Variants in RB1 observed in about 807,000 individuals in gnomAD.
The protein encoded by RB1 is retinoblastoma-associated protein.
In RB1, 18 loss-of-function variants were observed where a neutral mutation model predicts 135.4. The ratio of observed to expected loss-of-function variants is 0.13; its 90% CI spans 0.09 to 0.20. RB1 has a LOEUF of 0.20. RB1 is among the 10% of genes least tolerant of loss of function. The pLI, the probability that RB1 is intolerant of heterozygous loss-of-function variation, is 1.00. For missense variants in RB1, 868 were observed against 1,110.0 expected, an observed-to-expected ratio of 0.78 and a Z score of 3.10; for synonymous variants, 365 against 373.2, an observed-to-expected ratio of 0.98 and a Z score of 0.25.
intron 23 of RB1, among the ~76,000 whole-genome samples, chr13:48,472,860 T>C (rs1267728651): frequency 6.6e-6 from 1 of 152,154 alleles, no homozygotes; most frequent in Non-Finnish European, 1.5e-5. Flanking sequence ...ATAAAGAACA[T>C]AAATTATATG....
At chr13:48,442,125 T>TC (rs1315006659) in intron 17 of RB1, among the ~76,000 whole-genome samples, 1 of 152,210 alleles carries the variant, frequency 6.6e-6, no homozygotes, top group Non-Finnish European at 1.5e-5. Flanking sequence ...TCAAGAACTT[T>TC]CCTATTCCTC....
intron 17 of RB1, chr13:48,412,419 A>C (rs1482275987): frequency 6.2e-7 from 1 of 1,612,958 alleles, no homozygotes; most frequent in Admixed American, 1.7e-5. Context: ...GTTAACGCTT[A>C]CCATCGTAAA....
chr13:48,364,779 A>G (rs1159966199), intron 8 of RB1, 115 bp from the exon 9 acceptor site: 48 of 1,228,960 alleles, frequency 3.9e-5, no homozygotes, highest in Non-Finnish European at 5.3e-5. Flanking sequence ...TTATACACAG[A>G]TTTTTTACTG....
intron 2 of RB1, among the ~76,000 whole-genome samples, chr13:48,326,283 T>C (rs887402972): frequency 9.2e-5 from 14 of 152,162 alleles, no homozygotes; most frequent in Non-Finnish European, 4.4e-5. Context: ...TTCTTTTTTT[T>C]CCTCTGTATC....
At chr13:48,321,172 G>C (rs1952234902) in intron 2 of RB1, among the ~76,000 whole-genome samples, 3 of 152,258 alleles carry the variant, frequency 2.0e-5, no homozygotes, top group East Asian at 1.9e-4. Context: ...CCGCATCCGG[G>C]GGGAGGCGGC....
intron 2 of RB1, chr13:48,316,903 T>G (rs3825419): frequency 0.022 from 7,599 of 349,048 alleles, 348 homozygotes; most frequent in East Asian, 0.15. Context: ...GTGCGCGGAG[T>G]GTCGCTGAAG....
chr13:48,348,936 GCTTT>G lies in RB1; in HGVS notation c.540-17_540-14del, dbSNP rs770994222. The G allele has an allele frequency of 3.5e-5, 56 of 1,580,192 alleles. No homozygotes were observed. Among genetic ancestry groups the G allele is most frequent in the Non-Finnish European group, 4.6e-5 (54 of 1,162,510 alleles). ...GATACATTTTTCCTGTTTTTTTTCT[GCTTT>G]CTATTTGTTTAATAGGATATCTACT... On this transcript the variant is annotated splice_polypyrimidine_tract_variant and intron_variant, in intron 5 of 26. Coordinates refer to ENST00000267163, the MANE Select transcript of RB1 (RefSeq NM_000321.3).
chr13:48,320,240 G>T, intron 2 of RB1: 2 of 1,105,932 alleles, frequency 1.8e-6, no homozygotes, highest in Non-Finnish European at 2.6e-6. Flanking sequence ...TTGGCAGCTG[G>T]CTTGGCGTCT....
rs189496105 is a variant in RB1, at chr13:48,458,992, A to T, written c.1961-696A>T. Among the ~76,000 whole-genome samples the T allele has an allele frequency of 6.3e-3, 961 of 152,282 alleles. 12 individuals are homozygous for T. The highest frequency in any genetic ancestry group is 0.022 in the African/African-American group (913 of 41,552). On this transcript the variant is annotated intron_variant, in intron 19 of 26. Transcript: ENST00000267163. ...ATAGACACTGGCAATTATATAATTTAAAAAAATGATTATTCCTCTTTAATA... is the reference window on the plus strand; with the variant it reads ...ATAGACACTGGCAATTATATAATTTTAAAAAATGATTATTCCTCTTTAATA...
intron 19 of RB1, among the ~76,000 whole-genome samples, chr13:48,457,731 G>A (rs1949369796): frequency 6.6e-6 from 1 of 152,244 alleles, no homozygotes; most frequent in Non-Finnish European, 1.5e-5. Flanking sequence ...GGGCTGAGGC[G>A]GCAGGGGGCT....
intron 17 of RB1, among the ~76,000 whole-genome samples, chr13:48,416,028 G>A (rs1416854487): frequency 6.6e-6 from 1 of 152,130 alleles, no homozygotes; most frequent in African/African-American, 2.4e-5. Flanking sequence ...CAGGCAAACT[G>A]TTATTTTAAT....
intron 2 of RB1, among the ~76,000 whole-genome samples, chr13:48,313,381 G>T (rs549331290): frequency 1.8e-4 from 26 of 143,718 alleles, no homozygotes; most frequent in African/African-American, 6.0e-4. Flanking sequence ...TTTTTTTTTT[G>T]GTGGTGGTTT....
At chr13:48,376,228 T>C (rs931708381) in intron 12 of RB1, among the ~76,000 whole-genome samples, 12 of 152,062 alleles carry the variant, frequency 7.9e-5, no homozygotes, top group Admixed American at 1.3e-4. Flanking sequence ...GGTCCGGGCA[T>C]GGTGGCTCAC....
chr13:48,404,940 T>A (rs1419650097), intron 17 of RB1, among the ~76,000 whole-genome samples: 1 of 152,214 alleles, frequency 6.6e-6, no homozygotes, highest in Non-Finnish European at 1.5e-5. Context: ...TTAGGAATAC[T>A]GGATATTTTA....
chr13:48,428,869 A>G (rs953907028), intron 17 of RB1, among the ~76,000 whole-genome samples: 1 of 152,254 alleles, frequency 6.6e-6, no homozygotes, highest in Non-Finnish European at 1.5e-5. Flanking sequence ...ATAGATTATT[A>G]TCAGAAATCC....
intron 2 of RB1, among the ~76,000 whole-genome samples, chr13:48,336,012 C>A (rs1952382001): frequency 6.6e-6 from 1 of 151,820 alleles, no homozygotes; most frequent in South Asian, 2.1e-4. Flanking sequence ...GATGTGAGGG[C>A]ATTTAAAAAA....
intron 17 of RB1, among the ~76,000 whole-genome samples, chr13:48,446,942 T>A (rs1012202696): frequency 2.0e-5 from 3 of 152,174 alleles, no homozygotes; most frequent in Non-Finnish European, 4.4e-5. Context: ...ATATTAGCTC[T>A]ATGAGGACAT....
intron 6 of RB1, among the ~76,000 whole-genome samples, 157 bp downstream of exon 6, chr13:48,349,180 A>G (rs1952524951): frequency 6.6e-6 from 1 of 151,804 alleles, no homozygotes; most frequent in South Asian, 2.1e-4. Flanking sequence ...TAATTCTGGT[A>G]CTAGAAACAA....
rs587778638 is a variant in RB1 at position 48,303,955 on chromosome 13, G to A, written c.43G>A (p.Ala15Thr). ...CCGAAAAACGGCCGCCACCGCCGCC[G>A]CTGCCGCCGCGGAACCCCCGGCACC... ...TPRKTAATAA[A>T]AAAEPPAPPP... Residue 15 changes from alanine to threonine, a missense_variant, in exon 1 of 27, where the codon GCT (alanine) becomes ACT (threonine). Around this residue, in one of 3 missense-constraint regions of RB1, gnomAD observed 641 missense variants for 791.3 expected, o/e 0.81. Transcript: ENST00000267163. The A allele has an allele frequency of 6.7e-7, 1 of 1,502,966 alleles. No individual in the cohort carries two copies. Among genetic ancestry groups the A allele is most frequent in the Non-Finnish European group, 8.8e-7 (1 of 1,136,074 alleles). The allele number at this position is 1,502,966 out of a possible 1,614,324, so 93.1% of individuals were successfully genotyped here. A position where few individuals can be genotyped will look rare whatever the true frequency, so the allele number is the denominator to read the frequency against.
Sources: allele counts gnomAD v4.1 joint callset (sites outside exome capture counted in the v4.1 genomes callset), GRCh38; gene constraint gnomAD v4.1.1; regional missense constraint gnomAD v4.1.1; transcripts MANE v1.5; gene names NCBI Gene and HGNC (gene_info 2026-07-23, HGNC 2026-07-21).